The following PDE9A variants were observed in gnomAD, a reference collection of about 807,000 sequenced individuals.
The protein encoded by PDE9A is phosphodiesterase 9A, also known as high affinity cGMP-specific 3',5'-cyclic phosphodiesterase 9A.
PDE9A carries 60 observed loss-of-function variants against 87.4 expected under a neutral mutation model. The ratio of observed to expected loss-of-function variants is 0.69; its 90% CI spans 0.56 to 0.85. The LOEUF is 0.85. PDE9A is among the 40% of genes least tolerant of loss of function. The pLI is 0.00. For synonymous variants in PDE9A, 272 were observed against 279.4 expected, an observed-to-expected ratio of 0.97 and a Z score of 0.27; for missense variants, 665 against 779.0, an observed-to-expected ratio of 0.85 and a Z score of 1.74.
intron 4 of PDE9A, among the ~76,000 whole-genome samples, chr21:42,710,345 G>T (rs893996787): frequency 6.7e-6 from 1 of 150,100 alleles, no homozygotes; most frequent in African/African-American, 2.5e-5. Context: ...GGAGGAGGAG[G>T]TTGCAGTGAG....
intron 7 of PDE9A, among the ~76,000 whole-genome samples, chr21:42,735,604 A>C (rs376555050): frequency 6.6e-6 from 1 of 152,184 alleles, no homozygotes. Context: ...CTACATTGCT[A>C]TAATCTCTGC....
rs957928945 is a variant in PDE9A, at chr21:42,739,177, G to A, written c.569-4599G>A. Among the ~76,000 whole-genome samples, 1 of 152,184 alleles carries A rather than the reference G, an allele frequency of 6.6e-6. No individual in the cohort carries two copies. Among genetic ancestry groups the A allele is most frequent in the African/African-American group, 2.4e-5 (1 of 41,444 alleles). On this transcript the variant is annotated intron_variant, in intron 7 of 19. Coordinates refer to ENST00000291539, the MANE Select transcript of PDE9A (RefSeq NM_002606.3). The surrounding 1 kb of genome is among the most constrained non-coding windows in gnomAD (Gnocchi z 4.1). ...GGTTTGTGGTGCGTGGTCTGTGCCC[G>A]CCTGTGTTCAGCGTTTGAAGGCAGA...
chr21:42,661,003 T>C (rs944744288), intron 1 of PDE9A, among the ~76,000 whole-genome samples: 11 of 151,968 alleles, frequency 7.2e-5, no homozygotes, highest in African/African-American at 2.4e-4. Context: ...AACCACAGCA[T>C]TTTATTCCGT....
chr21:42,758,792 T>A, intron 10 of PDE9A: 2 of 531,688 alleles, frequency 3.8e-6, no homozygotes, highest in Non-Finnish European at 3.4e-6. Context: ...CCCACCCATC[T>A]GAGTGGCCTG....
At chr21:42,691,396 G>A (rs533622009) in intron 3 of PDE9A, among the ~76,000 whole-genome samples, 3 of 148,046 alleles carry the variant, frequency 2.0e-5, no homozygotes, top group South Asian at 2.2e-4. Context: ...ACCATCCTAA[G>A]TTACCAGCCT....
chr21:42,710,025 G>T (rs80227961), intron 4 of PDE9A, among the ~76,000 whole-genome samples: 2,232 of 152,288 alleles, frequency 0.015, 57 homozygotes, highest in African/African-American at 0.051. Flanking sequence ...GGGCATCCTT[G>T]TCCATGATCT....
rs2059878916 is a variant in PDE9A, at chr21:42,692,142, C to T, written c.218+4148C>T. ...TTCACCTTGCTCTCTGCTGGATTTC[C>T]AGCCCCTAAACGAGGCGGGGCATGC... On this transcript the variant is annotated intron_variant, in intron 3 of 19. Coordinates refer to ENST00000291539, the MANE Select transcript of PDE9A (RefSeq NM_002606.3). The surrounding 1 kb of genome is among the most constrained non-coding windows in gnomAD (Gnocchi z 4.3). Among the ~76,000 whole-genome samples the T allele has an allele frequency of 6.6e-6, 1 of 152,240 alleles. No individual in the cohort carries two copies. Among genetic ancestry groups the T allele is most frequent in the Admixed American group, 6.5e-5 (1 of 15,292 alleles).
At chr21:42,753,877 AAG>A (rs1555945474) in intron 9 of PDE9A, 111 bp from the exon 10 acceptor site, 16 of 585,152 alleles carry the variant, frequency 2.7e-5, no homozygotes, top group Non-Finnish European at 2.9e-5. Flanking sequence ...AAAAAAAAAA[AAG>A]AAAGAAAGAA....
At chr21:42,697,011 C>T (rs562817124) in intron 3 of PDE9A, among the ~76,000 whole-genome samples, 36 of 152,264 alleles carry the variant, frequency 2.4e-4, no homozygotes, top group African/African-American at 6.5e-4. Context: ...ACTAAAAGGC[C>T]TTTTGAGGCA....
At chr21:42,673,405 T>C (rs1485259078) in intron 1 of PDE9A, among the ~76,000 whole-genome samples, 1 of 152,000 alleles carries the variant, frequency 6.6e-6, no homozygotes, top group Non-Finnish European at 1.5e-5. Context: ...GTAGCAGAGG[T>C]CAGTCCGCTG....
rs2051062252 is a variant in PDE9A, at chr21:42,726,592, C to CTATATATATATATATATATA, written c.263-5178_263-5177insTATATATATATATATATATA. On this transcript the variant is annotated intron_variant, in intron 4 of 19. Coordinates refer to ENST00000291539, the MANE Select transcript of PDE9A (RefSeq NM_002606.3). ...TATTACTGAATGCCACCACGCCTGG[C>CTATATATATATATATATATA]CATATATATATATATATATATATAT... Among the ~76,000 whole-genome samples the CTATATATATATATATATATA allele has an allele frequency of 2.7e-4, 20 of 74,222 alleles. 3 individuals carry two copies. The highest frequency in any genetic ancestry group is 1.4e-3 in the African/African-American group (20 of 13,936). 48.7% of individuals were successfully genotyped at this position (74,222 alleles called of 152,430 possible). A position where few individuals can be genotyped will look rare whatever the true frequency, so the allele number is the denominator to read the frequency against.
At chr21:42,670,764 C>T (rs919015809) in intron 1 of PDE9A, among the ~76,000 whole-genome samples, 8 of 151,926 alleles carry the variant, frequency 5.3e-5, no homozygotes, top group African/African-American at 1.2e-4. Context: ...CACATTCACA[C>T]GCACATACAC....
chr21:42,661,587 C>G (rs537687027), intron 1 of PDE9A, among the ~76,000 whole-genome samples: 3 of 152,126 alleles, frequency 2.0e-5, no homozygotes, highest in African/African-American at 7.2e-5. Flanking sequence ...TAAGGCCGAG[C>G]GGTATTCCAT....
intron 18 of PDE9A, among the ~76,000 whole-genome samples, chr21:42,772,189 G>A (rs980180260): frequency 6.6e-6 from 1 of 152,214 alleles, no homozygotes; most frequent in Non-Finnish European, 1.5e-5. Flanking sequence ...ACCAGTCCCC[G>A]CGGCTGTGGT....
rs532521735 is a variant in PDE9A at position 42,743,872 on chromosome 21, G to A, written c.653+12G>A. On this transcript the variant is annotated intron_variant, in intron 8 of 19. Transcript: ENST00000291539. ...GCCAGAAGCAGCAGGTAGGGTCTGC[G>A]CTGGGGCCACGGGCGGCCGGGCCTG... 1.4e-5 allele frequency: 21 copies of A among 1,537,276 alleles called. No individual in the cohort carries two copies. The South Asian group carries it at 1.8e-4, about 13-fold the overall frequency.
rs890907296 is a variant in PDE9A at position 42,723,261 on chromosome 21, G to A, written c.263-8509G>A. Among the ~76,000 whole-genome samples, 5 of 152,224 alleles carry A rather than the reference G, an allele frequency of 3.3e-5. No homozygotes were observed. Among genetic ancestry groups the A allele is most frequent in the Non-Finnish European group, 5.9e-5 (4 of 68,038 alleles). On this transcript the variant is annotated intron_variant, in intron 4 of 19. Coordinates refer to ENST00000291539, the MANE Select transcript of PDE9A (RefSeq NM_002606.3). This position sits in a 1 kb window ranked among gnomAD's most constrained non-coding sequence, Gnocchi z 4.3. The stretch of plus-strand genomic sequence containing the variant: ...CCGGCAGCATCTAAAAACAGGACCC[G>A]GAGAATCTGCTGGACTCCAGGATTG...
intron 15 of PDE9A, among the ~76,000 whole-genome samples, chr21:42,767,878 G>A (rs2056553878): frequency 1.3e-5 from 2 of 152,210 alleles, no homozygotes; most frequent in South Asian, 4.1e-4. Context: ...CCCCTGGGAA[G>A]ATGAGCAATG....
chr21:42,668,978 T>C (rs1185007691), intron 1 of PDE9A, among the ~76,000 whole-genome samples: 1 of 147,084 alleles, frequency 6.8e-6, no homozygotes, highest in Non-Finnish European at 1.5e-5. Context: ...GTGTCTCCCC[T>C]CGTTAATGCC....
chr21:42,771,040 G>A (rs954531602), intron 18 of PDE9A, among the ~76,000 whole-genome samples: 4 of 152,242 alleles, frequency 2.6e-5, no homozygotes, highest in African/African-American at 4.8e-5. Flanking sequence ...GAGTTTACTG[G>A]CCGTGCCCTT....
Sources: allele counts gnomAD v4.1 joint callset (sites outside exome capture counted in the v4.1 genomes callset), GRCh38; gene constraint gnomAD v4.1.1; non-coding constraint Gnocchi (gnomAD v3.1); transcripts MANE v1.5; gene names NCBI Gene and HGNC (gene_info 2026-07-23, HGNC 2026-07-21).